The following BCAM variants were observed in gnomAD, a reference collection of about 807,000 sequenced individuals.
The protein encoded by BCAM is basal cell adhesion molecule.
Under a neutral mutation model 72.4 loss-of-function variants are expected in BCAM, and 61 were observed. That is an observed-to-expected ratio of 0.84 (90% CI 0.69 to 1.04). The LOEUF (loss-of-function observed/expected upper bound fraction) is 1.04. BCAM is among the 50% of genes least tolerant of loss of function. The pLI is 0.00. For missense variants in BCAM, 909 were observed against 895.0 expected (o/e 1.02, Z -0.20); for synonymous variants, 408 against 384.2 (o/e 1.06, Z -0.73).
In BCAM at chr19:44,811,321, AC is replaced by A; in HGVS notation, c.181del (p.His61IlefsTer18). The A allele has an allele frequency of 6.2e-7, 1 of 1,612,524 alleles. No individual in the cohort carries two copies. Among genetic ancestry groups the A allele is most frequent in the Non-Finnish European group, 8.5e-7 (1 of 1,179,290 alleles). On this transcript the variant is annotated frameshift_variant, in exon 2 of 15. Transcript: ENST00000270233. LOFTEE classifies it high-confidence loss of function. Reference sequence around the variant, plus strand: ...GACTGCACCCCTACGGGAACCCACGACCATTATATGCTGGAATGGTTCCTTG... The same window carrying A: ...GACTGCACCCCTACGGGAACCCACGACATTATATGCTGGAATGGTTCCTTG... ...ILDCTPTGTHDHYMLEWFLTD... is the reference protein window; with the variant it reads ...ILDCTPTGTHXHYMLEWFLTD...
Position 44,812,294 on chromosome 19 carries a change from G to A in BCAM, c.336G>A (p.Leu112=). The A allele has an allele frequency of 6.2e-7, 1 of 1,611,996 alleles. No individual in the cohort carries two copies. Among genetic ancestry groups the A allele is most frequent in the Non-Finnish European group, 8.5e-7 (1 of 1,178,664 alleles). Residue 112 remains leucine, a synonymous_variant, in exon 3 of 15, where the codon CTG becomes CTA. Transcript: ENST00000270233. The surrounding 1 kb of genome is among the most constrained non-coding windows in gnomAD (Gnocchi z 5.3). ...TGGACTCCCAGGGGCGCCTGGTGCTGGCTGAGGCCCAGGTGGGCGACGAGC... is the reference window on the plus strand; with the variant it reads ...TGGACTCCCAGGGGCGCCTGGTGCTAGCTGAGGCCCAGGTGGGCGACGAGC... ...YQLDSQGRLV[L]AEAQVGDERD... is the part of the protein sequence containing the mutation.
rs1321043400 is a variant in BCAM at position 44,812,149 on chromosome 19, C to T, written c.205-14C>T. On this transcript the variant is annotated splice_polypyrimidine_tract_variant and intron_variant, in intron 2 of 14. Transcript: ENST00000270233. This position sits in a 1 kb window ranked among gnomAD's most constrained non-coding sequence, Gnocchi z 5.3. ...TGGGACACCCGGAGCTGAGAGCCTG[C>T]CCCGCGCCCACAGACCGACCGCTCG... 1 of 1,586,290 alleles carries T rather than the reference C, an allele frequency of 6.3e-7. No individual in the cohort carries two copies. Among genetic ancestry groups the T allele is most frequent in the South Asian group, 1.1e-5 (1 of 88,672 alleles).
At chr19:44,820,450 C>A in intron 13 of BCAM, 1 of 1,241,910 alleles carries the variant, frequency 8.1e-7, no homozygotes, top group Non-Finnish European at 1.0e-6. Flanking sequence ...GTAACCATCC[C>A]AGACCGATCC....
chr19:44,819,803 C>A, intron 13 of BCAM, 77 bp downstream of exon 13: 1 of 1,470,458 alleles, frequency 6.8e-7, no homozygotes, highest in Non-Finnish European at 9.0e-7. Context: ...CAACCCATAA[C>A]CTCAACCACA....
chr19:44,814,384 C>A lies in BCAM; in HGVS notation c.921+96C>A. 6.7e-7 allele frequency: 1 copy of A among 1,499,732 alleles called. No homozygotes were observed. The highest frequency in any genetic ancestry group is 8.9e-7 in the Non-Finnish European group (1 of 1,127,376). The allele number at this position is 1,499,732 out of a possible 1,614,324, so 92.9% of individuals were successfully genotyped here. Reference sequence around the variant, plus strand: ...AACTTCTAATGTGGGACCTGGGAGTCCCCATGGCTTAGGCAGCCACCTGAT... The same window carrying A: ...AACTTCTAATGTGGGACCTGGGAGTACCCATGGCTTAGGCAGCCACCTGAT... On this transcript the variant is annotated intron_variant, in intron 7 of 14. Coordinates refer to ENST00000270233, the MANE Select transcript of BCAM (RefSeq NM_005581.5). The surrounding 1 kb of genome is among the most constrained non-coding windows in gnomAD (Gnocchi z 4.6).
chr19:44,817,623 C>T (rs1334307362), intron 8 of BCAM, among the ~76,000 whole-genome samples: 1 of 151,812 alleles, frequency 6.6e-6, no homozygotes, highest in African/African-American at 2.4e-5. Context: ...CGGCTCACTG[C>T]AACCTCCACC....
At chr19:44,810,342 G>C (rs1311122929) in intron 1 of BCAM, among the ~76,000 whole-genome samples, 3 of 152,094 alleles carry the variant, frequency 2.0e-5, no homozygotes, top group African/African-American at 2.4e-5. Context: ...TCAAACTGAG[G>C]GGGGCCAAGA....
At position 44,815,832 on chromosome 19, in the gene BCAM, C is replaced by G. The variant is rs2122560339; in HGVS notation, c.1078+1072C>G. 2.6e-5 allele frequency among the ~76,000 whole-genome samples: 4 copies of G among 151,642 alleles called. No homozygotes were observed. The South Asian group carries it at 8.3e-4, about 32-fold the overall frequency. ...CCAGCCTGGGCAACAGAGGGAGACC[C>G]CATTTGCACACACACACACACAAAT... On this transcript the variant is annotated intron_variant, in intron 8 of 14. Transcript: ENST00000270233.
intron 1 of BCAM, 135 bp from the exon 2 acceptor site, chr19:44,811,090 G>A: frequency 7.6e-7 from 1 of 1,315,980 alleles, no homozygotes; most frequent in Non-Finnish European, 1.1e-6. Context: ...GGGAGGAGGG[G>A]CTGGCACCTG....
Position 44,819,581 on chromosome 19 carries a change from G to A in BCAM, c.1619-1G>A, listed in dbSNP as rs2122569088. ...CGCCTCTCTCCATCCTGTCCCTGCA[G>A]TGAGCCCCCAGACCTCCCAGGCTGG... On this transcript the variant is annotated splice_acceptor_variant, in intron 12 of 14. Transcript: ENST00000270233. LOFTEE classifies it high-confidence loss of function. 1 of 1,613,096 alleles carries A rather than the reference G, an allele frequency of 6.2e-7. No individual in the cohort carries two copies. The highest frequency in any genetic ancestry group is 8.5e-7 in the Non-Finnish European group (1 of 1,179,440).
Position 44,813,447 on chromosome 19 carries a change from T to C in BCAM, c.611T>C (p.Met204Thr), listed in dbSNP as rs28399656. The change falls in exon 6 of 15, where the codon ATG becomes ACG. Residue 204 changes from methionine (M) to threonine (T), a missense_variant. Transcript: ENST00000270233. This position sits in a 1 kb window ranked among gnomAD's most constrained non-coding sequence, Gnocchi z 4.2. ...CCCCGATCTCTCCCAGAGGGCTACA[T>C]GACCAGCCGCACGGTCCGGGAGGCC... ...VPVEMNPEGY[M>T]TSRTVREASG... 4.3e-6 allele frequency: 7 copies of C among 1,610,818 alleles called. No homozygotes were observed. The highest frequency in any genetic ancestry group is 5.9e-6 in the Non-Finnish European group (7 of 1,179,298).
At chr19:44,811,522 C>A in intron 2 of BCAM, 176 bp downstream of exon 2, 1 of 1,037,738 alleles carries the variant, frequency 9.6e-7, no homozygotes, top group Non-Finnish European at 1.4e-6. Context: ...TGTCTAGGCA[C>A]AGCCAAGTCT....
At chr19:44,816,165 C>A (rs2122561021) in intron 8 of BCAM, among the ~76,000 whole-genome samples, 1 of 151,580 alleles carries the variant, frequency 6.6e-6, no homozygotes, top group South Asian at 2.1e-4. Context: ...TAAAAGTTAG[C>A]CGGGTGTGGT....
intron 2 of BCAM, 31 bp downstream of exon 2, chr19:44,811,377 CAG>C: frequency 6.2e-7 from 1 of 1,611,104 alleles, no homozygotes; most frequent in South Asian, 1.1e-5. Context: ...GGCCTGGAGT[CAG>C]GGCACAGCAG....
Position 44,813,607 on chromosome 19 carries a change from C to G in BCAM, c.771C>G (p.His257Gln). 2 of 1,612,262 alleles carry G rather than the reference C, an allele frequency of 1.2e-6. No individual in the cohort carries two copies. Among genetic ancestry groups the G allele is most frequent in the African/African-American group, 2.7e-5 (2 of 75,070 alleles). The change falls in exon 6 of 15, where the codon CAC (histidine) becomes CAG (glutamine). Residue 257 changes from histidine (H) to glutamine (Q), a missense_variant. By Grantham distance (24) the His-to-Gln change is conservative. Transcript: ENST00000270233. This position sits in a 1 kb window ranked among gnomAD's most constrained non-coding sequence, Gnocchi z 4.2. ...RHGRLDSPTFHLTLHYPTEHV... is the reference protein window; with the variant it reads ...RHGRLDSPTFQLTLHYPTEHV... ...GCCGCCTGGACAGCCCCACCTTCCACCTCACCCTGCACTGTGAGTCTGTGC... is the reference window on the plus strand; with the variant it reads ...GCCGCCTGGACAGCCCCACCTTCCAGCTCACCCTGCACTGTGAGTCTGTGC...
rs1283052091 is a variant in BCAM, at chr19:44,812,888, T to A, written c.504+340T>A. 1 of 415,680 alleles carries A rather than the reference T, an allele frequency of 2.4e-6. No individual in the cohort carries two copies. Among genetic ancestry groups the A allele is most frequent in the Admixed American group, 4.4e-5 (1 of 22,850 alleles). 25.7% of individuals were successfully genotyped at this position (415,680 alleles called of 1,614,324 possible). A position where few individuals can be genotyped will look rare whatever the true frequency, so the allele number is the denominator to read the frequency against. ...TCACTCGAACCCAGAAGGCAGAGGCTACAGTGAGCTAAGATCACACCACTG... is the reference window on the plus strand; with the variant it reads ...TCACTCGAACCCAGAAGGCAGAGGCAACAGTGAGCTAAGATCACACCACTG... On this transcript the variant is annotated intron_variant, in intron 4 of 14. Transcript: ENST00000270233. The surrounding 1 kb of genome is among the most constrained non-coding windows in gnomAD (Gnocchi z 5.3).
chr19:44,809,121 G>A lies in BCAM; in HGVS notation c.-4G>A. 4 of 1,442,048 alleles carry A rather than the reference G, an allele frequency of 2.8e-6. No individual in the cohort carries two copies. The highest frequency in any genetic ancestry group is 2.7e-6 in the Non-Finnish European group (3 of 1,099,528). The allele number at this position is 1,442,048 out of a possible 1,614,324, so 89.3% of individuals were successfully genotyped here. A position where few individuals can be genotyped will look rare whatever the true frequency, so the allele number is the denominator to read the frequency against. On this transcript the variant is annotated 5_prime_UTR_variant, in exon 1 of 15. Coordinates refer to ENST00000270233, the MANE Select transcript of BCAM (RefSeq NM_005581.5). ...CGGGCTCAGTCTCCGCCGCCGCCGT[G>A]AACATGGAGCCCCCGGACGCACCGG... is the stretch of plus-strand genomic sequence containing the variant.
chr19:44,820,007 C>T, intron 13 of BCAM: 1 of 1,317,258 alleles, frequency 7.6e-7, no homozygotes. Context: ...ACACCATCCC[C>T]TTCCCTAATC....
At position 44,812,385 on chromosome 19, in the gene BCAM, G is replaced by A. The variant is rs778465310; in HGVS notation, c.427G>A (p.Val143Met). The change falls in exon 3 of 15, where the codon GTG becomes ATG. Residue 143 changes from valine (V) to methionine (M), a missense_variant. Coordinates refer to ENST00000270233, the MANE Select transcript of BCAM (RefSeq NM_005581.5). This position sits in a 1 kb window ranked among gnomAD's most constrained non-coding sequence, Gnocchi z 5.3. ...TGCTGAGGCCACTGCGCGGCTCAAC[G>A]TGTTTGGTAAGTGTCCTCGGGCATC... ...GTAEATARLN[V>M]FAKPEATEVS... is the part of the protein sequence containing the mutation. The A allele has an allele frequency of 3.4e-5, 55 of 1,613,960 alleles. No homozygotes were observed. Among genetic ancestry groups the A allele is most frequent in the South Asian group, 4.4e-5 (4 of 91,092 alleles).
Sources: gnomAD v4.1 joint callset for allele counts (sites outside exome capture counted in the v4.1 genomes callset) on GRCh38, gnomAD v4.1.1 for gene constraint, Gnocchi (gnomAD v3.1) non-coding constraint, MANE v1.5 for transcripts, NCBI Gene and HGNC (gene_info 2026-07-23, HGNC 2026-07-21) for gene names.